The following MTREX variants were observed in gnomAD, a reference collection of about 807,000 sequenced individuals.
MTREX encodes the protein exosome RNA helicase MTR4.
Under a neutral mutation model 135.4 loss-of-function variants are expected in MTREX, and 76 were observed. The observed-to-expected ratio is 0.56, with a 90% confidence interval of 0.47 to 0.68. The LOEUF is 0.68. Among genes scored for constraint, MTREX ranks in the 30% least tolerant of loss-of-function variants. The pLI is 0.00. For missense variants in MTREX, 920 were observed against 1,262.1 expected (o/e 0.73, Z 4.11); for synonymous variants, 404 against 401.6 (o/e 1.01, Z -0.07).
chr5:55,328,591 G>T, intron 4 of MTREX, 108 bp from the exon 5 acceptor site: 3 of 669,644 alleles, frequency 4.5e-6, no homozygotes, highest in Non-Finnish European at 7.9e-6. Flanking sequence ...AATCATAAAG[G>T]AATACTCCCA....
intron 23 of MTREX, among the ~76,000 whole-genome samples, chr5:55,411,301 T>C (rs1043203062): frequency 6.6e-6 from 1 of 152,220 alleles, no homozygotes; most frequent in African/African-American, 2.4e-5. Flanking sequence ...TTATTTATTG[T>C]AGATGAAGTG....
chr5:55,378,489 A>T lies in MTREX; in HGVS notation c.1983+3A>T, dbSNP rs1458971694. On this transcript the variant is annotated splice_donor_region_variant and intron_variant, in intron 17 of 26. Coordinates refer to ENST00000230640, the MANE Select transcript of MTREX (RefSeq NM_015360.5). The stretch of plus-strand genomic sequence containing the variant: ...TACAACCAGGTCGTTTGGTAAAGGT[A>T]TGTCATTGTTTCTTCATAAAATACT... 6.2e-7 allele frequency: 1 copy of T among 1,600,082 alleles called. No individual in the cohort carries two copies.
chr5:55,383,162 T>C (rs1354897489), intron 18 of MTREX, among the ~76,000 whole-genome samples: 1 of 152,248 alleles, frequency 6.6e-6, no homozygotes, highest in Non-Finnish European at 1.5e-5. Flanking sequence ...CTCAATAATA[T>C]AATGTATACA....
chr5:55,347,572 A>G (rs1423110641), intron 11 of MTREX, among the ~76,000 whole-genome samples: 1 of 152,208 alleles, frequency 6.6e-6, no homozygotes, highest in Non-Finnish European at 1.5e-5. Flanking sequence ...ACTATTTTGT[A>G]ATTCTCAATC....
chr5:55,354,109 A>C (rs1448027807), intron 14 of MTREX, among the ~76,000 whole-genome samples: 1 of 152,212 alleles, frequency 6.6e-6, no homozygotes, highest in Non-Finnish European at 1.5e-5. Flanking sequence ...CAAACTTAAA[A>C]TATGAATTTA....
At chr5:55,404,806 T>C (rs1469849772) in intron 21 of MTREX, among the ~76,000 whole-genome samples, 2 of 151,706 alleles carry the variant, frequency 1.3e-5, no homozygotes, top group Non-Finnish European at 2.9e-5. Context: ...TCTTTTTTTT[T>C]TTTCTTTTTT....
intron 26 of MTREX, 82 bp from the exon 27 acceptor site, chr5:55,424,638 A>G (rs1751119501): frequency 1.3e-5 from 12 of 927,768 alleles, no homozygotes; most frequent in African/African-American, 3.2e-5. Flanking sequence ...CAGGGTTGGT[A>G]TACTGGCTTT....
At chr5:55,399,214 A>G (rs1750687438) in intron 20 of MTREX, among the ~76,000 whole-genome samples, 1 of 152,160 alleles carries the variant, frequency 6.6e-6, no homozygotes, top group Non-Finnish European at 1.5e-5. Context: ...CTTTTGAAAG[A>G]GCTTGCCTTA....
At chr5:55,347,482 G>C (rs963808799) in intron 11 of MTREX, among the ~76,000 whole-genome samples, 2 of 152,134 alleles carry the variant, frequency 1.3e-5, no homozygotes, top group African/African-American at 2.4e-5. Context: ...CTCATAGCTT[G>C]GTTAGACCAC....
chr5:55,361,343 TTTAA>T (rs1750002229), intron 15 of MTREX, among the ~76,000 whole-genome samples: 1 of 152,196 alleles, frequency 6.6e-6, no homozygotes, highest in Non-Finnish European at 1.5e-5. Flanking sequence ...ATTTGTCATA[TTTAA>T]TTATTTTTCC....
intron 1 of MTREX, among the ~76,000 whole-genome samples, chr5:55,321,604 T>A (rs915973405): frequency 7.6e-6 from 1 of 131,182 alleles, no homozygotes; most frequent in Non-Finnish European, 1.6e-5. Flanking sequence ...CAAACATCTA[T>A]TTTTTTTTTT....
chr5:55,423,119 T>C (rs1751081174), intron 26 of MTREX, 137 bp downstream of exon 26: 1 of 638,864 alleles, frequency 1.6e-6, no homozygotes, highest in East Asian at 2.8e-5. Context: ...TACTAGTGTT[T>C]CTATAAAATT....
intron 1 of MTREX, among the ~76,000 whole-genome samples, chr5:55,319,649 G>GT: frequency 6.6e-6 from 1 of 152,162 alleles, no homozygotes; most frequent in Non-Finnish European, 1.5e-5. Context: ...TCCTTAAAAA[G>GT]TAAGCTGGTT....
chr5:55,418,403 C>G (rs554267182), intron 25 of MTREX, among the ~76,000 whole-genome samples: 2 of 145,858 alleles, frequency 1.4e-5, no homozygotes, highest in East Asian at 2.0e-4. Context: ...GAAGATAAAT[C>G]CTAAACTGCC....
intron 8 of MTREX, 52 bp from the exon 9 acceptor site, chr5:55,344,470 G>A (rs1397299706): frequency 8.3e-7 from 1 of 1,207,860 alleles, no homozygotes; most frequent in African/African-American, 1.5e-5. Context: ...CTAAGATACA[G>A]TTTTATTTTG....
chr5:55,316,877 C>T (rs1166329664), intron 1 of MTREX, among the ~76,000 whole-genome samples: 1 of 152,174 alleles, frequency 6.6e-6, no homozygotes, highest in Admixed American at 6.5e-5. Flanking sequence ...ATGTAGGAAA[C>T]CCCATAGTCT....
intron 21 of MTREX, among the ~76,000 whole-genome samples, chr5:55,404,661 G>A (rs994688168): frequency 6.6e-6 from 1 of 152,082 alleles, no homozygotes; most frequent in Non-Finnish European, 1.5e-5. Flanking sequence ...TCTTGGGAGA[G>A]CCTATCCTAA....
chr5:55,376,697 A>G (rs1750306458), intron 16 of MTREX, among the ~76,000 whole-genome samples: 2 of 152,238 alleles, frequency 1.3e-5, no homozygotes, highest in South Asian at 4.1e-4. Flanking sequence ...GCTGCCTAAA[A>G]TCTAGACCAA....
At chr5:55,314,672 T>G (rs1749169204) in intron 1 of MTREX, among the ~76,000 whole-genome samples, 1 of 152,200 alleles carries the variant, frequency 6.6e-6, no homozygotes, top group South Asian at 2.1e-4. Flanking sequence ...ATTGCACTTC[T>G]TTCTTTCTGA....
Sources: gnomAD v4.1 joint callset for allele counts (sites outside exome capture counted in the v4.1 genomes callset) on GRCh38, gnomAD v4.1.1 for gene constraint, MANE v1.5 for transcripts, NCBI Gene and HGNC (gene_info 2026-07-23, HGNC 2026-07-21) for gene names.